Variants in SYTL2 observed in about 807,000 individuals in gnomAD.
The protein encoded by SYTL2 is synaptotagmin-like protein 2.
In SYTL2, 165 loss-of-function variants were observed where a neutral mutation model predicts 198.7. The observed-to-expected ratio is 0.83, with a 90% confidence interval of 0.73 to 0.94. The LOEUF (loss-of-function observed/expected upper bound fraction) is 0.94, where lower values mean the gene tolerates loss of function less well. SYTL2 is among the 40% of genes least tolerant of loss of function. The pLI is 0.00. For missense variants in SYTL2, 2,835 were observed against 2,582.8 expected, an observed-to-expected ratio of 1.10 and a Z score of -2.12; for synonymous variants, 966 against 917.7, an observed-to-expected ratio of 1.05 and a Z score of -0.95.
intron 7 of SYTL2, among the ~76,000 whole-genome samples, chr11:85,730,901 G>C (rs2089744446): frequency 6.6e-6 from 1 of 152,088 alleles, no homozygotes; most frequent in Non-Finnish European, 1.5e-5. Flanking sequence ...CAAAGTCTCA[G>C]GATACAAAAT....
chr11:85,830,858 T>A, the SYTL2 span, among the ~76,000 whole-genome samples: 2 of 152,044 alleles, frequency 1.3e-5, no homozygotes, highest in African/African-American at 4.8e-5. Flanking sequence ...ACTTCCTGAT[T>A]TATGCTTCCT....
At chr11:85,707,317 C>G in intron 15 of SYTL2, 112 bp downstream of exon 15, 1 of 704,472 alleles carries the variant, frequency 1.4e-6, no homozygotes, top group Non-Finnish European at 2.5e-6. Context: ...TTTGTATTCC[C>G]TTCCTTCTCC....
chr11:85,721,023 A>G (rs1199757989), intron 8 of SYTL2, 64 bp from the exon 9 acceptor site: 4 of 946,638 alleles, frequency 4.2e-6, no homozygotes, highest in African/African-American at 1.6e-5. Context: ...CCTCTAACAT[A>G]TGGACATAGA....
chr11:85,722,073 G>C (rs1299334245), intron 8 of SYTL2, among the ~76,000 whole-genome samples: 2 of 151,390 alleles, frequency 1.3e-5, no homozygotes, highest in East Asian at 1.9e-4. Flanking sequence ...ATTTAGGTTA[G>C]AGTATATAAA....
At chr11:85,777,958 T>C (rs2092485059) in intron 1 of SYTL2, among the ~76,000 whole-genome samples, 1 of 151,724 alleles carries the variant, frequency 6.6e-6, no homozygotes, top group Non-Finnish European at 1.5e-5. Flanking sequence ...TAGATGGGAC[T>C]ACAGGTGCCC....
Position 85,727,063 on chromosome 11 carries a change from C to G in SYTL2, c.2295G>C (p.Trp765Cys). 4 of 1,536,124 alleles carry G rather than the reference C, an allele frequency of 2.6e-6. No individual in the cohort carries two copies. Among genetic ancestry groups the G allele is most frequent in the Non-Finnish European group, 3.5e-6 (4 of 1,146,868 alleles). Residue 765 changes from tryptophan to cysteine, a missense_variant, in exon 8 of 20, where the codon TGG becomes TGC. Physicochemically the swap from Trp to Cys is radical, Grantham distance 215 (BLOSUM62 -2). This residue lies in a region of SYTL2 where 2,645 missense variants were observed against 2,381.7 expected (regional missense o/e 1.11). Coordinates refer to ENST00000359152, the MANE Select transcript of SYTL2 (RefSeq NM_206927.4). The stretch of plus-strand genomic sequence containing the variant: ...GCTGGAATTGGACCTCAGGCTTCTT[C>G]CAAGGAGAGCCATTGTTGGCAACCC... ...TPGVANNGSP[W>C]KKPEVQFQQE...
intron 5 of SYTL2, among the ~76,000 whole-genome samples, chr11:85,737,183 G>A (rs748651751): frequency 1.7e-3 from 261 of 152,254 alleles, no homozygotes; most frequent in Admixed American, 3.3e-3. Context: ...ACTGTCTATA[G>A]TTTAATAAAT....
At chr11:85,830,534 T>G in the SYTL2 span, among the ~76,000 whole-genome samples, 1 of 152,206 alleles carries the variant, frequency 6.6e-6, no homozygotes, top group Non-Finnish European at 1.5e-5. Context: ...TGCAGCTCTA[T>G]CTCAATGGCT....
Position 85,727,160 on chromosome 11 carries a change from C to G in SYTL2, c.2198G>C (p.Arg733Thr). Residue 733 changes from arginine (R) to threonine (T), a missense_variant, in exon 8 of 20, where the codon AGA becomes ACA. Transcript: ENST00000359152. ...ATAGGTATTTCCTACTTTGCTCTTT[C>G]TCTCTGCATTCATGTTATCTTTCAA... Reference protein sequence around the residue: ...PGLKDNMNAERKSKVGNTYIL... With the variant: ...PGLKDNMNAETKSKVGNTYIL... 2.0e-6 allele frequency: 3 copies of G among 1,536,400 alleles called. No individual in the cohort carries two copies. The highest frequency in any genetic ancestry group is 2.6e-6 in the Non-Finnish European group (3 of 1,146,936).
intron 7 of SYTL2, 100 bp downstream of exon 7, chr11:85,733,839 T>C: frequency 1.1e-6 from 1 of 870,834 alleles, no homozygotes; most frequent in Non-Finnish European, 1.8e-6. Flanking sequence ...GACCTCATGA[T>C]CCACCCGCCT....
rs200164092 is a variant in SYTL2 at position 85,724,986 on chromosome 11, C to G, written c.4372G>C (p.Asp1458His). The change falls in exon 8 of 20, where the codon GAC (aspartate) becomes CAC (histidine). Residue 1458 changes from aspartate (D) to histidine (H), a missense_variant. Around this residue, in one of 3 missense-constraint regions of SYTL2, gnomAD observed 2,645 missense variants for 2,381.7 expected, o/e 1.11. Transcript: ENST00000359152. ...GAAGCAAATGAGCTAAGCGTCTGGT[C>G]TGATGGAGACATTTGGGCAGCTAAA... ...SYLAAQMSPS[D>H]QTLSSFASIV... 8.4e-5 allele frequency: 135 copies of G among 1,613,728 alleles called. No individual in the cohort carries two copies. Among genetic ancestry groups the G allele is most frequent in the Non-Finnish European group, 1.0e-4 (122 of 1,179,886 alleles).
Position 85,727,331 on chromosome 11 carries a change from T to A in SYTL2, c.2027A>T (p.Glu676Val). The A allele has an allele frequency of 6.5e-7, 1 of 1,535,980 alleles. No individual in the cohort carries two copies. The highest frequency in any genetic ancestry group is 8.7e-7 in the Non-Finnish European group (1 of 1,146,870). ...NSNYSYSVLK[E>V]SDAENQVPCN... ...TGGAACTTGGTTTTCTGCATCAGATTCCTTGAGAACACTGTAGGAATAGTT... is the reference window on the plus strand; with the variant it reads ...TGGAACTTGGTTTTCTGCATCAGATACCTTGAGAACACTGTAGGAATAGTT... The change falls in exon 8 of 20, where the codon GAA becomes GTA. Residue 676 changes from glutamate (E) to valine (V), a missense_variant. Glu to Val is a moderately radical substitution (Grantham distance 121, BLOSUM62 -2). This residue lies in a region of SYTL2 where 2,645 missense variants were observed against 2,381.7 expected (regional missense o/e 1.11). Coordinates refer to ENST00000359152, the MANE Select transcript of SYTL2 (RefSeq NM_206927.4).
chr11:85,792,718 G>A (rs1291598859), intron 1 of SYTL2, among the ~76,000 whole-genome samples: 1 of 151,528 alleles, frequency 6.6e-6, no homozygotes, highest in African/African-American at 2.4e-5. Flanking sequence ...ATGCTGGTGT[G>A]CTGCACCCAT....
At chr11:85,846,877 G>A in the SYTL2 span, among the ~76,000 whole-genome samples, 1 of 151,128 alleles carries the variant, frequency 6.6e-6, no homozygotes, top group African/African-American at 2.4e-5. Context: ...GGGATTTACA[G>A]GCATGCACCA....
intron 4 of SYTL2, among the ~76,000 whole-genome samples, chr11:85,740,261 C>G (rs74691572): frequency 0.03 from 4,553 of 152,254 alleles, 101 homozygotes; most frequent in South Asian, 0.057. Context: ...GCCCCAGAAA[C>G]TCACCTGACT....
intron 15 of SYTL2, 71 bp from the exon 16 acceptor site, chr11:85,705,099 A>C (rs1413013516): frequency 7.9e-7 from 1 of 1,265,596 alleles, no homozygotes; most frequent in African/African-American, 1.5e-5. Flanking sequence ...ACAGAGATGA[A>C]GAGAAATTCA....
At chr11:85,844,577 C>G in the SYTL2 span, among the ~76,000 whole-genome samples, 2 of 152,122 alleles carry the variant, frequency 1.3e-5, no homozygotes, top group Non-Finnish European at 2.9e-5. Context: ...GGCATCTCAC[C>G]TGAGTCATAG....
chr11:85,798,547 T>C (rs1390979409), intron 1 of SYTL2, among the ~76,000 whole-genome samples: 1 of 152,234 alleles, frequency 6.6e-6, no homozygotes, highest in East Asian at 1.9e-4. Context: ...CCAGGTTTGA[T>C]GATTCACTAG....
Position 85,781,874 on chromosome 11 carries a change from C to G in SYTL2, c.-389-23760G>C, listed in dbSNP as rs185710112. On this transcript the variant is annotated intron_variant, in intron 1 of 19. Transcript: ENST00000359152. ...TGTGGCTTTGTAGGATACAGCACCCCCTCCCAACTGCTTTCACAGGCTGGC... is the reference window on the plus strand; with the variant it reads ...TGTGGCTTTGTAGGATACAGCACCCGCTCCCAACTGCTTTCACAGGCTGGC... Among the ~76,000 whole-genome samples, 510 of 152,328 alleles carry G rather than the reference C, an allele frequency of 3.3e-3. 4 individuals are homozygous for G. Among genetic ancestry groups the G allele is most frequent in the African/African-American group, 0.012 (492 of 41,578 alleles).
Sources: gnomAD v4.1 joint callset for allele counts (sites outside exome capture counted in the v4.1 genomes callset) on GRCh38, gnomAD v4.1.1 for gene constraint, gnomAD v4.1.1 regional missense constraint, MANE v1.5 for transcripts, NCBI Gene and HGNC (gene_info 2026-07-23, HGNC 2026-07-21) for gene names.